The following TATDN1 variants were observed in gnomAD, a reference collection of about 807,000 sequenced individuals.
The protein encoded by TATDN1 is TatD DNase domain containing 1.
TATDN1 carries 40 observed loss-of-function variants against 46.4 expected under a neutral mutation model. That is an observed-to-expected ratio of 0.86 (90% confidence interval 0.67 to 1.12). The LOEUF is 1.12. Among genes scored for constraint, TATDN1 ranks in the 50% most tolerant of loss-of-function variants. The probability of loss-of-function intolerance (pLI) is 0.00; values close to 1 mark genes in which losing one functional copy is unlikely to be tolerated. For missense variants in TATDN1, 326 were observed against 348.4 expected, an observed-to-expected ratio of 0.94 and a Z score of 0.51; for synonymous variants, 95 against 105.6, an observed-to-expected ratio of 0.90 and a Z score of 0.62.
chr8:124,509,267 T>C (rs920994225), intron 6 of TATDN1, among the ~76,000 whole-genome samples: 6 of 152,234 alleles, frequency 3.9e-5, no homozygotes, highest in Non-Finnish European at 8.8e-5. Flanking sequence ...ATCCTCAAAA[T>C]AACCTGAGTA....
chr8:124,499,913 C>T lies in TATDN1; in HGVS notation c.593+4358G>A, dbSNP rs890349056. On this transcript the variant is annotated intron_variant, in intron 9 of 11. Transcript: ENST00000276692. Reference sequence around the variant, plus strand: ...AGGCTGGAGTGCAGTGGCATGATTTCGGCTCACTGAAACCTCCGCCTCCTG... The same window carrying T: ...AGGCTGGAGTGCAGTGGCATGATTTTGGCTCACTGAAACCTCCGCCTCCTG... 6.0e-5 allele frequency among the ~76,000 whole-genome samples: 9 copies of T among 149,722 alleles called. No individual in the cohort carries two copies. In the South Asian group the frequency reaches 8.4e-4, roughly 14 times the overall value.
chr8:124,528,576 G>A (rs1820703498), intron 1 of TATDN1, among the ~76,000 whole-genome samples: 1 of 152,146 alleles, frequency 6.6e-6, no homozygotes, highest in African/African-American at 2.4e-5. Context: ...TTATTATCTA[G>A]TACTACTTGA....
chr8:124,535,450 T>C (rs1233048856), intron 1 of TATDN1, among the ~76,000 whole-genome samples: 1 of 152,212 alleles, frequency 6.6e-6, no homozygotes, highest in Non-Finnish European at 1.5e-5. Context: ...TGGCTCTAAA[T>C]GGGATACCAT....
chr8:124,508,706 A>C lies in TATDN1; in HGVS notation c.390-18T>G. 1 of 1,457,374 alleles carries C rather than the reference A, an allele frequency of 6.9e-7. No homozygotes were observed. Among genetic ancestry groups the C allele is most frequent in the Non-Finnish European group, 9.2e-7 (1 of 1,085,334 alleles). The allele number at this position is 1,457,374 out of a possible 1,614,324, so 90.3% of individuals were successfully genotyped here. On this transcript the variant is annotated intron_variant, in intron 6 of 11. Coordinates refer to ENST00000276692, the MANE Select transcript of TATDN1 (RefSeq NM_032026.4). ...CAAAATATCTGCATAATGCAAAAAAAAAAAATTCTCATTACAAATTGTATT... is the reference window on the plus strand; with the variant it reads ...CAAAATATCTGCATAATGCAAAAAACAAAAATTCTCATTACAAATTGTATT...
chr8:124,510,100 G>A (rs889924118), intron 6 of TATDN1, among the ~76,000 whole-genome samples: 1 of 151,878 alleles, frequency 6.6e-6, no homozygotes, highest in Admixed American at 6.6e-5. Flanking sequence ...GTCTATGTCT[G>A]TATTACCAAA....
chr8:124,523,052 T>C (rs781017440), intron 1 of TATDN1, 50 bp from the exon 2 acceptor site: 7 of 1,514,792 alleles, frequency 4.6e-6, no homozygotes, highest in East Asian at 2.3e-5. Flanking sequence ...TACATGAAAC[T>C]TGTACTTAAA....
chr8:124,521,652 T>C (rs1034552418), intron 3 of TATDN1: 1 of 152,842 alleles, frequency 6.5e-6, no homozygotes, highest in Non-Finnish European at 1.5e-5. Flanking sequence ...AGCTCTCTGT[T>C]TTAAAGCTAA....
intron 1 of TATDN1, among the ~76,000 whole-genome samples, chr8:124,525,898 T>C (rs1010887480): frequency 2.2e-4 from 33 of 152,362 alleles, no homozygotes; most frequent in African/African-American, 7.9e-4. Context: ...TGTTAAGGGA[T>C]AGTGAGAAAC....
At chr8:124,532,227 T>G (rs1004163621) in intron 1 of TATDN1, among the ~76,000 whole-genome samples, 1 of 152,236 alleles carries the variant, frequency 6.6e-6, no homozygotes, top group African/African-American at 2.4e-5. Context: ...CCTTCGACTA[T>G]GATAACGGCT....
intron 11 of TATDN1, chr8:124,489,959 CCTTG>C (rs1816821938): frequency 6.6e-6 from 1 of 152,220 alleles, no homozygotes; most frequent in Admixed American, 6.5e-5. Flanking sequence ...GACACAAAAG[CCTTG>C]CTTGATGTTT....
intron 9 of TATDN1, among the ~76,000 whole-genome samples, chr8:124,496,484 C>T (rs1042073263): frequency 6.6e-6 from 1 of 152,076 alleles, no homozygotes; most frequent in Non-Finnish European, 1.5e-5. Flanking sequence ...ATCTATGGTC[C>T]GCCTATTCAT....
At chr8:124,534,144 TCAAAAAAAAAAAAAAAAA>T (rs1293906361) in intron 1 of TATDN1, among the ~76,000 whole-genome samples, 1 of 21,190 alleles carries the variant, frequency 4.7e-5, no homozygotes, top group African/African-American at 2.8e-4. Flanking sequence ...AGACTCCGTC[TCAAAAAAAAAAAAAAAAA>T]AAAAAAAAAA....
chr8:124,511,555 A>G (rs1819015131), intron 6 of TATDN1, among the ~76,000 whole-genome samples: 1 of 152,226 alleles, frequency 6.6e-6, no homozygotes, highest in African/African-American at 2.4e-5. Context: ...GGAGTGTAGC[A>G]TAAGGCCAGG....
intron 6 of TATDN1, among the ~76,000 whole-genome samples, chr8:124,514,428 T>C (rs1207487381): frequency 6.6e-6 from 1 of 152,204 alleles, no homozygotes; most frequent in African/African-American, 2.4e-5. Context: ...TAAGAGAGAA[T>C]CTGATCCTAA....
At chr8:124,515,705 A>G (rs760182675) in intron 6 of TATDN1, 41 bp downstream of exon 6, 3 of 1,565,234 alleles carry the variant, frequency 1.9e-6, no homozygotes, top group Admixed American at 1.7e-5. Flanking sequence ...AAAATCACTC[A>G]TGATTTTACA....
intron 3 of TATDN1, among the ~76,000 whole-genome samples, chr8:124,521,167 A>G (rs1050438811): frequency 5.3e-5 from 8 of 152,148 alleles, no homozygotes; most frequent in Non-Finnish European, 1.0e-4. Context: ...CCAGGTTATA[A>G]AGCTATGAAA....
chr8:124,507,661 G>A (rs1246945627), intron 8 of TATDN1, among the ~76,000 whole-genome samples: 2 of 152,032 alleles, frequency 1.3e-5, no homozygotes, highest in African/African-American at 4.8e-5. Context: ...GCACATGCCT[G>A]TAGTCCCAGC....
chr8:124,519,196 AGC>A (rs1190005578), intron 3 of TATDN1, among the ~76,000 whole-genome samples: 2 of 152,248 alleles, frequency 1.3e-5, no homozygotes, highest in Admixed American at 1.3e-4. Flanking sequence ...GTGTTATGAA[AGC>A]GTGAATAACG....
At chr8:124,521,180 T>C (rs1481502690) in intron 3 of TATDN1, among the ~76,000 whole-genome samples, 1 of 152,042 alleles carries the variant, frequency 6.6e-6, no homozygotes, top group Non-Finnish European at 1.5e-5. Context: ...CTATGAAAAA[T>C]GAAGTAGGGG....
Sources: allele counts gnomAD v4.1 joint callset (sites outside exome capture counted in the v4.1 genomes callset), GRCh38; gene constraint gnomAD v4.1.1; transcripts MANE v1.5; gene names NCBI Gene and HGNC (gene_info 2026-07-23, HGNC 2026-07-21).